Variants in AKAP13 observed in about 807,000 individuals in gnomAD.
AKAP13 encodes the protein A-kinase anchor protein 13.
A neutral mutation model predicts 264.5 loss-of-function variants in AKAP13; 80 were observed. The observed-to-expected ratio is 0.30, with a 90% CI of 0.25 to 0.36. The LOEUF (loss-of-function observed/expected upper bound fraction) is 0.36, where lower values mean the gene tolerates loss of function less well. Ranked by LOEUF, AKAP13 falls within the 10% of genes least tolerant of loss-of-function variation. The pLI, the probability that AKAP13 is intolerant of heterozygous loss-of-function variation, is 1.00. For synonymous variants in AKAP13, 1,380 were observed against 1,250.2 expected (o/e 1.10, Z -2.19); for missense variants, 3,712 against 3,435.2 (o/e 1.08, Z -2.01).
intron 1 of AKAP13, among the ~76,000 whole-genome samples, chr15:85,463,349 G>T (rs1173487402): frequency 1.3e-5 from 2 of 152,186 alleles, no homozygotes; most frequent in African/African-American, 2.4e-5. Flanking sequence ...AAATTAAAAG[G>T]ATGCTTCTTT....
rs937059507 is a variant in AKAP13 at position 85,579,498 on chromosome 15, A to G, written c.1430A>G (p.Asp477Gly). The change falls in exon 7 of 37, where the codon GAC becomes GGC. Residue 477 changes from aspartate (D) to glycine (G), a missense_variant. This residue lies in a region of AKAP13 where 2,759 missense variants were observed against 2,411.7 expected (regional missense o/e 1.14). Transcript: ENST00000394518. ...GISTTNVSTP[D>G]TAGEMEHGLM... ...TCAACAACAAATGTCAGTACCCCAGACACTGCAGGGGAAATGGAACATGGG... is the reference window on the plus strand; with the variant it reads ...TCAACAACAAATGTCAGTACCCCAGGCACTGCAGGGGAAATGGAACATGGG... 1 of 1,614,198 alleles carries G rather than the reference A, an allele frequency of 6.2e-7. No individual in the cohort carries two copies.
At position 85,741,319 on chromosome 15, in the gene AKAP13, C is replaced by G. The variant is rs142999287; in HGVS notation, c.7882C>G (p.Gln2628Glu). ...LLAQREEEVQ[Q>E]GQQDLEKERE... is the part of the protein sequence containing the mutation. ...GGCCCAGCGCGAGGAGGAGGTGCAGCAGGGGCAGCAGGACCTGGAAAAGGA... is the reference window on the plus strand; with the variant it reads ...GGCCCAGCGCGAGGAGGAGGTGCAGGAGGGGCAGCAGGACCTGGAAAAGGA... The change falls in exon 35 of 37, where the codon CAG becomes GAG. Residue 2628 changes from glutamine to glutamate, a missense_variant. Coordinates refer to ENST00000394518, the MANE Select transcript of AKAP13 (RefSeq NM_007200.5). The G allele has an allele frequency of 5.6e-6, 9 of 1,612,738 alleles. No homozygotes were observed. In the African/African-American group the frequency reaches 1.2e-4, roughly 22 times the overall value.
chr15:85,498,232 T>C (rs528094960), intron 2 of AKAP13, among the ~76,000 whole-genome samples: 6 of 119,330 alleles, frequency 5.0e-5, no homozygotes, highest in East Asian at 4.5e-4. Flanking sequence ...ATATATCACA[T>C]TGAGCGAGAT....
At chr15:85,637,611 G>A (rs1490113604) in intron 8 of AKAP13, among the ~76,000 whole-genome samples, 1 of 151,866 alleles carries the variant, frequency 6.6e-6, no homozygotes, top group East Asian at 1.9e-4. Context: ...TTGTTCTTCT[G>A]TATTCTATTT....
intron 1 of AKAP13, among the ~76,000 whole-genome samples, chr15:85,461,879 C>T (rs1404059112): frequency 2.0e-5 from 3 of 152,046 alleles, no homozygotes; most frequent in African/African-American, 7.2e-5. Flanking sequence ...CTTCCTTTCC[C>T]ATAGAGAAAT....
intron 17 of AKAP13, chr15:85,702,392 T>A (rs1463515499): frequency 1.3e-5 from 2 of 152,168 alleles, no homozygotes; most frequent in Non-Finnish European, 2.9e-5. Context: ...ATGTAGGAAG[T>A]CCCATGTGTT....
At chr15:85,496,330 C>G (rs942524745) in intron 2 of AKAP13, among the ~76,000 whole-genome samples, 4 of 150,780 alleles carry the variant, frequency 2.7e-5, no homozygotes, top group East Asian at 1.9e-4. Flanking sequence ...TCCAGACTTA[C>G]ATTTTCAGCC....
At chr15:85,493,066 T>G (rs2075776670) in intron 2 of AKAP13, among the ~76,000 whole-genome samples, 1 of 152,174 alleles carries the variant, frequency 6.6e-6, no homozygotes. Context: ...CTGCGCAAGG[T>G]GTACCCTTGA....
At chr15:85,496,398 A>C (rs2075874856) in intron 2 of AKAP13, among the ~76,000 whole-genome samples, 1 of 152,220 alleles carries the variant, frequency 6.6e-6, no homozygotes, top group African/African-American at 2.4e-5. Context: ...TATGCTAATT[A>C]AAACAGACCT....
At chr15:85,564,623 G>A (rs919713560) in intron 5 of AKAP13, among the ~76,000 whole-genome samples, 4 of 152,090 alleles carry the variant, frequency 2.6e-5, no homozygotes, top group African/African-American at 9.7e-5. Flanking sequence ...GTCATGTTTA[G>A]TCTCCTTTGC....
chr15:85,572,388 C>T (rs979349650), intron 5 of AKAP13, among the ~76,000 whole-genome samples: 11 of 152,146 alleles, frequency 7.2e-5, no homozygotes, highest in African/African-American at 2.4e-4. Flanking sequence ...GTTGTCTCCC[C>T]GCTATTTGAC....
At chr15:85,696,647 T>G (rs79976606) in intron 17 of AKAP13, among the ~76,000 whole-genome samples, 150 of 152,284 alleles carry the variant, frequency 9.9e-4, no homozygotes, top group African/African-American at 3.3e-3. Context: ...TTCAGGGAAC[T>G]TCATCAGTAA....
At chr15:85,731,951 C>CA (rs2088070907) in intron 30 of AKAP13, among the ~76,000 whole-genome samples, 1 of 152,022 alleles carries the variant, frequency 6.6e-6, no homozygotes. Context: ...GGTGTGGTGA[C>CA]ATGCGGCTGT....
intron 14 of AKAP13, among the ~76,000 whole-genome samples, chr15:85,681,366 T>C (rs987850290): frequency 7.9e-5 from 12 of 152,206 alleles, no homozygotes; most frequent in Non-Finnish European, 1.3e-4. Flanking sequence ...CTCATCTAAG[T>C]CTTCAGTAAC....
chr15:85,490,804 T>C (rs1253524425), intron 2 of AKAP13, among the ~76,000 whole-genome samples: 1 of 152,100 alleles, frequency 6.6e-6, no homozygotes, highest in Non-Finnish European at 1.5e-5. Flanking sequence ...GGTACTTGCA[T>C]TGTAGTGAGA....
intron 8 of AKAP13, among the ~76,000 whole-genome samples, chr15:85,601,608 TTGTGTGTGTGTGTGTGTG>T (rs10574160): frequency 2.3e-5 from 3 of 132,082 alleles, no homozygotes; most frequent in Admixed American, 7.8e-5. Context: ...CCTGAATTCT[TTGTGTGTGTGTGTGTGTG>T]TGTGTGTGTG....
At chr15:85,679,590 G>GA (rs2084467800) in intron 14 of AKAP13, among the ~76,000 whole-genome samples, 1 of 152,092 alleles carries the variant, frequency 6.6e-6, no homozygotes, top group African/African-American at 2.4e-5. Context: ...GTATTAACTA[G>GA]AAAACCACAA....
intron 4 of AKAP13, among the ~76,000 whole-genome samples, chr15:85,541,760 C>T (rs2077587151): frequency 6.6e-6 from 1 of 152,226 alleles, no homozygotes; most frequent in African/African-American, 2.4e-5. Flanking sequence ...CATAAACTGC[C>T]TAGCCCAGTG....
chr15:85,662,516 T>C, intron 12 of AKAP13: 10 of 1,599,872 alleles, frequency 6.3e-6, no homozygotes, highest in Non-Finnish European at 7.7e-6. Flanking sequence ...ATCAGGGCTT[T>C]TGGCTTGGAG....
Sources: allele counts gnomAD v4.1 joint callset (sites outside exome capture counted in the v4.1 genomes callset), GRCh38; gene constraint gnomAD v4.1.1; regional missense constraint gnomAD v4.1.1; transcripts MANE v1.5; gene names NCBI Gene and HGNC (gene_info 2026-07-23, HGNC 2026-07-21).